The following GUCY1A1 variants were observed in gnomAD, a reference collection of about 807,000 sequenced individuals.
GUCY1A1 encodes the protein guanylate cyclase 1 soluble subunit alpha 1.
GUCY1A1 carries 48 observed loss-of-function variants against 64.5 expected under a neutral mutation model. The ratio of observed to expected loss-of-function variants is 0.74; its 90% CI spans 0.59 to 0.95. GUCY1A1 has a LOEUF of 0.95. Ranked by LOEUF, GUCY1A1 falls within the 40% of genes least tolerant of loss-of-function variation. GUCY1A1 has a pLI of 0.00. For missense variants in GUCY1A1, 804 were observed against 825.3 expected, an observed-to-expected ratio of 0.97 and a Z score of 0.32; for synonymous variants, 308 against 303.4, an observed-to-expected ratio of 1.02 and a Z score of -0.16.
rs781276884 is a variant in GUCY1A1 at position 155,710,691 on chromosome 4, T to G, written c.526T>G (p.Cys176Gly). 7 of 1,614,078 alleles carry G rather than the reference T, an allele frequency of 4.3e-6. No individual in the cohort carries two copies. The East Asian group carries it at 1.6e-4, about 36-fold the overall frequency. Reference sequence around the variant, plus strand: ...TACCCTTCTGAAACAGAGCAGCCATTGCCAAGAAGCAGGAAAAAGGGGCAG... The same window carrying G: ...TACCCTTCTGAAACAGAGCAGCCATGGCCAAGAAGCAGGAAAAAGGGGCAG... ...FSTLLKQSSH[C>G]QEAGKRGRLE... Residue 176 changes from cysteine (C) to glycine (G), a missense_variant, in exon 6 of 10, where the codon TGC (cysteine) becomes GGC (glycine). Transcript: ENST00000506455.
chr4:155,722,301 A>G (rs1490231610), intron 9 of GUCY1A1, 109 bp downstream of exon 9: 1 of 1,474,432 alleles, frequency 6.8e-7, no homozygotes, highest in Non-Finnish European at 9.0e-7. Context: ...CCTTAGTCGT[A>G]AGGAAAAAAG....
At position 155,708,265 on chromosome 4, in the gene GUCY1A1, AAAC is replaced by A; in HGVS notation, c.350_352del (p.Thr117del). Reference sequence around the variant, plus strand: ...TCTTTGGAAAGAGAAGACTTTGAAAAAACAATTGCAGAGCAAGCAGTTGCAGCA... The same window carrying A: ...TCTTTGGAAAGAGAAGACTTTGAAAAAATTGCAGAGCAAGCAGTTGCAGCA... On this transcript the variant is annotated inframe_deletion, in exon 5 of 10. Coordinates refer to ENST00000506455, the MANE Select transcript of GUCY1A1 (RefSeq NM_001130682.3). The A allele has an allele frequency of 6.4e-7, 1 of 1,556,444 alleles. No homozygotes were observed. The highest frequency in any genetic ancestry group is 1.1e-5 in the South Asian group (1 of 89,596).
chr4:155,681,790 C>T (rs186663156), intron 2 of GUCY1A1, among the ~76,000 whole-genome samples: 138 of 152,242 alleles, frequency 9.1e-4, no homozygotes, highest in African/African-American at 3.2e-3. Flanking sequence ...TTTAGTTAAA[C>T]TCCTGACTAT....
intron 9 of GUCY1A1, among the ~76,000 whole-genome samples, chr4:155,723,626 G>A (rs9307933): frequency 0.6 from 88,478 of 146,782 alleles, 26,185 homozygotes; most frequent in South Asian, 0.67. Context: ...TTCTTCTTCT[G>A]CATTTATTTA....
At chr4:155,674,352 TA>T (rs33934660) in intron 2 of GUCY1A1, among the ~76,000 whole-genome samples, 142,125 of 143,454 alleles carry the variant, frequency 0.99, 70,438 homozygotes, top group Middle Eastern at 1. Context: ...AGACTCCATC[TA>T]AAAAAAAAAA....
chr4:155,720,372 T>TATCTATCA (rs1554002156), intron 8 of GUCY1A1, among the ~76,000 whole-genome samples: 1 of 139,866 alleles, frequency 7.1e-6, no homozygotes, highest in Non-Finnish European at 1.6e-5. Flanking sequence ...TCTATCTATC[T>TATCTATCA]ATCTATCACT....
At chr4:155,687,915 C>G (rs1729201318) in intron 2 of GUCY1A1, among the ~76,000 whole-genome samples, 3 of 152,066 alleles carry the variant, frequency 2.0e-5, no homozygotes. Flanking sequence ...CATGAGACAT[C>G]AGGCACTTAA....
At chr4:155,682,013 T>C (rs1264435468) in intron 2 of GUCY1A1, among the ~76,000 whole-genome samples, 2 of 152,198 alleles carry the variant, frequency 1.3e-5, no homozygotes, top group Non-Finnish European at 2.9e-5. Flanking sequence ...TATATCTTTC[T>C]ACACAAAACT....
intron 2 of GUCY1A1, among the ~76,000 whole-genome samples, chr4:155,690,207 A>G (rs976817219): frequency 6.6e-6 from 1 of 152,194 alleles, no homozygotes; most frequent in African/African-American, 2.4e-5. Flanking sequence ...TATGGTCCCT[A>G]GAGTTTTTCC....
chr4:155,695,724 A>C (rs1730321746), intron 2 of GUCY1A1, among the ~76,000 whole-genome samples: 2 of 152,228 alleles, frequency 1.3e-5, no homozygotes, highest in Admixed American at 6.5e-5. Context: ...TGTGAGGATT[A>C]ATTGTAAACA....
chr4:155,691,151 A>G (rs1729686380), intron 2 of GUCY1A1, among the ~76,000 whole-genome samples: 2 of 152,224 alleles, frequency 1.3e-5, no homozygotes, highest in South Asian at 4.1e-4. Context: ...TGAACTTAAG[A>G]ATAAATATGA....
intron 4 of GUCY1A1, among the ~76,000 whole-genome samples, chr4:155,706,655 G>A (rs1731811953): frequency 6.8e-6 from 1 of 147,192 alleles, no homozygotes; most frequent in African/African-American, 2.5e-5. Flanking sequence ...ACTCATGCTG[G>A]TGTGTGTGTG....
At chr4:155,704,707 G>T (rs115640968) in intron 4 of GUCY1A1, among the ~76,000 whole-genome samples, 2,175 of 151,928 alleles carry the variant, frequency 0.014, 59 homozygotes, top group African/African-American at 0.05. Context: ...TTAATATAAA[G>T]TTACTTTTTA....
chr4:155,702,009 ATCATTCATTCAT>A (rs34961017), intron 3 of GUCY1A1, among the ~76,000 whole-genome samples: 12 of 150,906 alleles, frequency 8.0e-5, no homozygotes, highest in Admixed American at 3.3e-4. Flanking sequence ...GCAGGTGGAC[ATCATTCATTCAT>A]TCATTCATTC....
chr4:155,696,970 G>T lies in GUCY1A1; in HGVS notation c.103G>T (p.Gly35Ter). ...VPNESSEEAA[G>*]SSESCKATVP... ...TAACGAGTCTTCAGAGGAGGCAGCA[G>T]GAAGCTCAGAGAGCTGCAAAGCAAC... Residue 35 changes from glycine to a stop codon, truncating the protein, a stop_gained, in exon 3 of 10, where the codon GGA becomes TGA. Transcript: ENST00000506455. LOFTEE classifies it high-confidence loss of function. 6.2e-7 allele frequency: 1 copy of T among 1,613,288 alleles called. No individual in the cohort carries two copies. The highest frequency in any genetic ancestry group is 8.5e-7 in the Non-Finnish European group (1 of 1,179,248).
intron 6 of GUCY1A1, 72 bp from the exon 7 acceptor site, chr4:155,713,026 T>C (rs1051592100): frequency 6.2e-6 from 8 of 1,298,706 alleles, no homozygotes; most frequent in Non-Finnish European, 8.6e-6. Context: ...CTGTATCTAC[T>C]TCCCCTTCTT....
rs746640449 is a variant in GUCY1A1, at chr4:155,717,273, G to C, written c.1687G>C (p.Val563Leu). ...GAAGATGATGGAGCTCTCTGATGAA[G>C]TTATGTCTCCCCATGGAGAACCTAT... The part of the protein sequence containing the change: ...ALKMMELSDE[V>L]MSPHGEPIKM... Residue 563 changes from valine to leucine, a missense_variant, in exon 8 of 10, where the codon GTT (valine) becomes CTT (leucine). By Grantham distance (32) the Val-to-Leu change is conservative. Coordinates refer to ENST00000506455, the MANE Select transcript of GUCY1A1 (RefSeq NM_001130682.3). 6.3e-7 allele frequency: 1 copy of C among 1,594,304 alleles called. No individual in the cohort carries two copies. The highest frequency in any genetic ancestry group is 8.6e-7 in the Non-Finnish European group (1 of 1,168,458).
intron 8 of GUCY1A1, among the ~76,000 whole-genome samples, chr4:155,719,895 G>A (rs3796584): frequency 0.39 from 59,836 of 152,004 alleles, 12,008 homozygotes; most frequent in African/African-American, 0.47. Flanking sequence ...AACTTTTCCC[G>A]GGAGCCAGAA....
rs754857211 is a variant in GUCY1A1, at chr4:155,697,130, C to T, written c.255+8C>T. 1.1e-5 allele frequency: 17 copies of T among 1,601,468 alleles called. No individual in the cohort carries two copies. The highest frequency in any genetic ancestry group is 4.5e-5 in the East Asian group (2 of 44,800). On this transcript the variant is annotated splice_region_variant and intron_variant, in intron 3 of 9. Transcript: ENST00000506455. The stretch of plus-strand genomic sequence containing the variant: ...AAACTGATTTTCCCAGAGGTGAGTG[C>T]GTGCTCTTTAGATTTTGAAATTGTA...
Sources: allele counts gnomAD v4.1 joint callset (sites outside exome capture counted in the v4.1 genomes callset), GRCh38; gene constraint gnomAD v4.1.1; transcripts MANE v1.5; gene names NCBI Gene and HGNC (gene_info 2026-07-23, HGNC 2026-07-21).